The following SSBP2 variants were observed in gnomAD, a reference collection of about 807,000 sequenced individuals.
SSBP2 encodes single-stranded DNA-binding protein 2.
SSBP2 carries 17 observed loss-of-function variants against 61.8 expected under a neutral mutation model. The observed-to-expected ratio is 0.28, with a 90% confidence interval of 0.19 to 0.41. SSBP2 has a LOEUF of 0.41. SSBP2 is among the 10% of genes least tolerant of loss of function. The pLI, the probability that SSBP2 is intolerant of heterozygous loss-of-function variation, is 1.00. For synonymous variants in SSBP2, 139 were observed against 141.3 expected (o/e 0.98, Z 0.12); for missense variants, 310 against 458.7 (o/e 0.68, Z 2.96).
chr5:81,446,673 C>T (rs1177036009), intron 12 of SSBP2, among the ~76,000 whole-genome samples, 195 bp downstream of exon 12: 1 of 152,116 alleles, frequency 6.6e-6, no homozygotes, highest in Admixed American at 6.6e-5. Flanking sequence ...GACACCCACA[C>T]CATAGGAATT....
chr5:81,559,992 T>C (rs890583503), intron 4 of SSBP2, among the ~76,000 whole-genome samples: 8 of 152,210 alleles, frequency 5.3e-5, no homozygotes, highest in Non-Finnish European at 8.8e-5. Flanking sequence ...TCAATTATTT[T>C]GTGATTTCAA....
chr5:81,728,802 G>A (rs1162763979), intron 1 of SSBP2, among the ~76,000 whole-genome samples: 1 of 152,084 alleles, frequency 6.6e-6, no homozygotes, highest in East Asian at 1.9e-4. Flanking sequence ...CAAATTAGTG[G>A]GTATGGCATT....
intron 2 of SSBP2, among the ~76,000 whole-genome samples, chr5:81,641,114 G>A (rs1748744624): frequency 6.6e-6 from 1 of 152,110 alleles, no homozygotes; most frequent in Non-Finnish European, 1.5e-5. Context: ...GCCAGGGTGT[G>A]CGGGAGGTAG....
intron 3 of SSBP2, 65 bp from the exon 4 acceptor site, chr5:81,615,622 C>G: frequency 9.4e-7 from 1 of 1,067,960 alleles, no homozygotes; most frequent in Admixed American, 2.0e-5. Flanking sequence ...ATCACAATTC[C>G]AAAAGTAGAA....
At chr5:81,458,102 C>T (rs1377079337) in intron 10 of SSBP2, among the ~76,000 whole-genome samples, 1 of 151,816 alleles carries the variant, frequency 6.6e-6, no homozygotes, top group Non-Finnish European at 1.5e-5. Context: ...TTAAGAAAGG[C>T]CAAAACAAAC....
intron 4 of SSBP2, among the ~76,000 whole-genome samples, chr5:81,580,660 C>T (rs780929549): frequency 2.0e-5 from 3 of 150,014 alleles, no homozygotes; most frequent in Non-Finnish European, 4.4e-5. Context: ...AGGCCTAGTA[C>T]ATTACATTAA....
intron 5 of SSBP2, among the ~76,000 whole-genome samples, chr5:81,489,817 CA>C (rs1303787084): frequency 2.0e-5 from 3 of 151,992 alleles, no homozygotes; most frequent in Non-Finnish European, 4.4e-5. Flanking sequence ...CATCTGTAGT[CA>C]AAAAAGCTCT....
At chr5:81,741,345 G>A (rs13172250) in intron 1 of SSBP2, among the ~76,000 whole-genome samples, 2,122 of 152,298 alleles carry the variant, frequency 0.014, 24 homozygotes, top group Non-Finnish European at 0.024. Context: ...GGAGTGGGGA[G>A]TGATTGTTTA....
At chr5:81,426,893 T>A (rs1761986747) in intron 16 of SSBP2, among the ~76,000 whole-genome samples, 1 of 152,186 alleles carries the variant, frequency 6.6e-6, no homozygotes, top group Non-Finnish European at 1.5e-5. Context: ...AATTAATCAT[T>A]TCCTCTGACT....
At chr5:81,735,494 T>C (rs1309560391) in intron 1 of SSBP2, among the ~76,000 whole-genome samples, 2 of 152,192 alleles carry the variant, frequency 1.3e-5, no homozygotes, top group Non-Finnish European at 2.9e-5. Context: ...CTTTAAATCA[T>C]CTCTAGATTA....
intron 3 of SSBP2, among the ~76,000 whole-genome samples, chr5:81,631,311 A>G (rs1337401593): frequency 6.6e-6 from 1 of 152,170 alleles, no homozygotes; most frequent in Non-Finnish European, 1.5e-5. Flanking sequence ...GACTTCTAGT[A>G]TGGCATGCTT....
At chr5:81,540,105 G>T (rs1308629937) in intron 4 of SSBP2, among the ~76,000 whole-genome samples, 1 of 152,156 alleles carries the variant, frequency 6.6e-6, no homozygotes, top group Admixed American at 6.5e-5. Flanking sequence ...GTATTCCATG[G>T]TGTATATGTG....
intron 10 of SSBP2, among the ~76,000 whole-genome samples, chr5:81,449,374 A>C (rs532898576): frequency 1.1e-4 from 16 of 152,318 alleles, no homozygotes; most frequent in Admixed American, 7.2e-4. Context: ...AGAAATGAAA[A>C]ACCAGAAAAC....
chr5:81,710,288 C>T (rs1184193941), intron 1 of SSBP2, among the ~76,000 whole-genome samples: 1 of 151,992 alleles, frequency 6.6e-6, no homozygotes, highest in Non-Finnish European at 1.5e-5. Context: ...GTGGCTTCCT[C>T]GCAAAGGCAG....
intron 1 of SSBP2, among the ~76,000 whole-genome samples, chr5:81,663,366 G>A (rs572756425): frequency 7.6e-4 from 116 of 152,026 alleles, no homozygotes; most frequent in Middle Eastern, 6.8e-3. Context: ...CTAATAAAAT[G>A]GTCTTATTTT....
intron 1 of SSBP2, among the ~76,000 whole-genome samples, chr5:81,736,301 G>A (rs780731320): frequency 5.9e-5 from 9 of 152,152 alleles, no homozygotes; most frequent in Non-Finnish European, 8.8e-5. Context: ...TTCTGGCAGG[G>A]TTTACCTTGC....
At chr5:81,562,938 G>T (rs989103759) in intron 4 of SSBP2, among the ~76,000 whole-genome samples, 5 of 152,092 alleles carry the variant, frequency 3.3e-5, no homozygotes, top group Admixed American at 3.3e-4. Flanking sequence ...TTTCATGAAG[G>T]GGAAGACTCC....
At chr5:81,548,819 G>A (rs1490481898) in intron 4 of SSBP2, among the ~76,000 whole-genome samples, 1 of 152,156 alleles carries the variant, frequency 6.6e-6, no homozygotes, top group Non-Finnish European at 1.5e-5. Flanking sequence ...CTACTCGGGA[G>A]GCTGAGGCAG....
chr5:81,563,174 T>G (rs896354674), intron 4 of SSBP2, among the ~76,000 whole-genome samples: 1 of 152,152 alleles, frequency 6.6e-6, no homozygotes, highest in African/African-American at 2.4e-5. Context: ...GGAAAAAGAA[T>G]AGATCAATGG....
Sources: allele counts gnomAD v4.1 joint callset (sites outside exome capture counted in the v4.1 genomes callset), GRCh38; gene constraint gnomAD v4.1.1; transcripts MANE v1.5; gene names NCBI Gene and HGNC (gene_info 2026-07-23, HGNC 2026-07-21).